LCK: variants seen among roughly 807,000 people sequenced by gnomAD.
LCK encodes the protein LCK proto-oncogene, Src family tyrosine kinase, also known as tyrosine-protein kinase Lck.
In LCK, 14 loss-of-function variants were observed where a neutral mutation model predicts 64.6. The observed-to-expected ratio is 0.22, with a 90% CI of 0.14 to 0.34. The LOEUF is 0.34. Among genes scored for constraint, LCK ranks in the 10% least tolerant of loss-of-function variants. The pLI is 1.00. For synonymous variants in LCK, 277 were observed against 263.6 expected (o/e 1.05, Z -0.49); for missense variants, 434 against 668.1 (o/e 0.65, Z 3.86).
In LCK at chr1:32,256,878, G is replaced by A. The variant is rs943200141; in HGVS notation, c.-6+5507G>A. 2.6e-5 allele frequency among the ~76,000 whole-genome samples: 4 copies of A among 152,286 alleles called. No homozygotes were observed. In the South Asian group the frequency reaches 8.3e-4, roughly 32 times the overall value. On this transcript the variant is annotated intron_variant, in intron 1 of 12. Coordinates refer to ENST00000336890, the MANE Select transcript of LCK (RefSeq NM_005356.5). ...TTATGTGTTTATTTTAGTGTGCGCT[G>A]TTGTTTCACTTCTATTTATGTCTCA...
chr1:32,276,865 C>T lies in LCK; in HGVS notation c.964+79C>T. On this transcript the variant is annotated intron_variant, in intron 9 of 12. Coordinates refer to ENST00000336890, the MANE Select transcript of LCK (RefSeq NM_005356.5). This position sits in a 1 kb window ranked among gnomAD's most constrained non-coding sequence, Gnocchi z 4.6. ...GCCAGAGGGTGGAAATACACCTTTTCTTCTGGCCCAAAGCTCAAGCAAGGA... is the reference window on the plus strand; with the variant it reads ...GCCAGAGGGTGGAAATACACCTTTTTTTCTGGCCCAAAGCTCAAGCAAGGA... The T allele has an allele frequency of 7.3e-7, 1 of 1,361,696 alleles. No individual in the cohort carries two copies. Among genetic ancestry groups the T allele is most frequent in the Non-Finnish European group, 9.8e-7 (1 of 1,022,556 alleles). 84.4% of individuals were successfully genotyped at this position (1,361,696 alleles called of 1,614,324 possible).
chr1:32,285,521 C>T lies in LCK; in HGVS notation c.1335C>T (p.Thr445=). The T allele has an allele frequency of 6.2e-7, 1 of 1,614,140 alleles. No individual in the cohort carries two copies. The highest frequency in any genetic ancestry group is 1.7e-5 in the Admixed American group (1 of 60,020). Residue 445 remains threonine, a synonymous_variant, in exon 13 of 13, where the codon ACC becomes ACT. Transcript: ENST00000336890. ...TCACCCATCAACCCGTAGGGATGAC[C>T]AACCCGGAGGTGATTCAGAACCTGG... ...THGRIPYPGM[T]NPEVIQNLER... is the part of the protein sequence containing the mutation.
chr1:32,255,796 A>ATTTTTT lies in LCK; in HGVS notation c.-6+4428_-6+4429insTTTTTT, dbSNP rs1363275909. Among the ~76,000 whole-genome samples the ATTTTTT allele has an allele frequency of 1.0e-3, 146 of 142,608 alleles. 6 individuals are homozygous for ATTTTTT. The highest frequency in any genetic ancestry group is 3.8e-3 in the African/African-American group (141 of 37,460). The allele number at this position is 142,608 out of a possible 152,430, so 93.6% of individuals were successfully genotyped here. The stretch of plus-strand genomic sequence containing the variant: ...CTGGCACATAGGAGGTACCCATTAA[A>ATTTTTT]TTTATTTTTTTTTTTTTTTTTTTTG... On this transcript the variant is annotated intron_variant, in intron 1 of 12. Transcript: ENST00000336890.
chr1:32,259,350 T>A (rs1639709310), intron 1 of LCK, among the ~76,000 whole-genome samples: 1 of 148,844 alleles, frequency 6.7e-6, no homozygotes, highest in South Asian at 2.1e-4. Context: ...GTGCGGTGGC[T>A]CATGCCACAC....
At chr1:32,254,038 C>T (rs1161675797) in intron 1 of LCK, among the ~76,000 whole-genome samples, 2 of 152,078 alleles carry the variant, frequency 1.3e-5, no homozygotes, top group African/African-American at 4.8e-5. Context: ...AAGTAATTCT[C>T]AGTGGGGTGG....
chr1:32,272,982 G>A (rs1194173395), intron 1 of LCK, among the ~76,000 whole-genome samples: 1 of 149,954 alleles, frequency 6.7e-6, no homozygotes, highest in Non-Finnish European at 1.5e-5. Context: ...GCGTGTGTGT[G>A]GGGGTGAATG....
intron 1 of LCK, among the ~76,000 whole-genome samples, chr1:32,266,549 G>A (rs1173472878): frequency 6.8e-6 from 1 of 148,124 alleles, no homozygotes; most frequent in Non-Finnish European, 1.5e-5. Flanking sequence ...GCCTCCAAAA[G>A]GGCTGAGATT....
At position 32,272,623 on chromosome 1, in the gene LCK, A is replaced by AAGAGAGAGAGAGAGAG. The variant is rs145594259; in HGVS notation, c.-5-1691_-5-1676dup. 2.4e-4 allele frequency among the ~76,000 whole-genome samples: 29 copies of AAGAGAGAGAGAGAGAG among 123,124 alleles called. 1 individual carries two copies. The South Asian group carries it at 3.6e-3, about 15-fold the overall frequency. The allele number at this position is 123,124 out of a possible 152,430, so 80.8% of individuals were successfully genotyped here. On this transcript the variant is annotated intron_variant, in intron 1 of 12. Transcript: ENST00000336890. ...AGAGAGAAAGAGAGAGAGAGAGAGA[A>AAGAGAGAGAGAGAGAG]AGAGAGAGAGAGAGAGAGAGAGAGA...
chr1:32,277,213 CAAAA>C (rs10645285), intron 9 of LCK: 10 of 84,040 alleles, frequency 1.2e-4, no homozygotes, highest in African/African-American at 2.8e-4. Context: ...AAGACTCTAT[CAAAA>C]AAAAAAAAAA....
chr1:32,283,288 C>CA (rs888361880), intron 12 of LCK, among the ~76,000 whole-genome samples: 5,137 of 51,598 alleles, frequency 0.1, 380 homozygotes, highest in African/African-American at 0.23. Context: ...GACTCTGTCT[C>CA]AAAAAAAAAA....
chr1:32,265,693 T>C (rs1450309791), intron 1 of LCK, among the ~76,000 whole-genome samples: 1 of 152,050 alleles, frequency 6.6e-6, no homozygotes, highest in Non-Finnish European at 1.5e-5. Flanking sequence ...TCCTTTTCCC[T>C]CCCCACCTGA....
chr1:32,285,754 T>G lies in LCK; in HGVS notation c.*38T>G. On this transcript the variant is annotated 3_prime_UTR_variant, in exon 13 of 13. Coordinates refer to ENST00000336890, the MANE Select transcript of LCK (RefSeq NM_005356.5). ...GGCCCTGGGGTTCTCCCCCTTTCTCTCCAGCCTGACTTGGGGAGATGGAGT... is the reference window on the plus strand; with the variant it reads ...GGCCCTGGGGTTCTCCCCCTTTCTCGCCAGCCTGACTTGGGGAGATGGAGT... 1 of 1,548,716 alleles carries G rather than the reference T, an allele frequency of 6.5e-7. No homozygotes were observed. Among genetic ancestry groups the G allele is most frequent in the Non-Finnish European group, 8.7e-7 (1 of 1,143,790 alleles).
intron 1 of LCK, among the ~76,000 whole-genome samples, chr1:32,265,759 T>G (rs1639891701): frequency 6.6e-6 from 1 of 152,164 alleles, no homozygotes; most frequent in Non-Finnish European, 1.5e-5. Flanking sequence ...CCTAGATTCC[T>G]TCTGCTTCTT....
At chr1:32,285,390 T>A in intron 12 of LCK, 124 bp from the exon 13 acceptor site, 1 of 850,406 alleles carries the variant, frequency 1.2e-6, no homozygotes, top group Non-Finnish European at 2.0e-6. Flanking sequence ...ACCTTACCAT[T>A]GATGAAGACC....
In LCK at chr1:32,276,019, G is replaced by C; in HGVS notation, c.587G>C (p.Arg196Pro). ...AACGGTGGCTTCTACATCTCCCCTC[G>C]AATCACTTTTCCCGGCCTGCATGAA... ...LDNGGFYISP[R>P]ITFPGLHELV... Residue 196 changes from arginine to proline, a missense_variant, in exon 7 of 13, where the codon CGA (arginine) becomes CCA (proline). Physicochemically the swap from Arg to Pro is moderately radical, Grantham distance 103 (BLOSUM62 -2). This residue lies in a region of LCK where 233 missense variants were observed against 291.2 expected (regional missense o/e 0.80). Coordinates refer to ENST00000336890, the MANE Select transcript of LCK (RefSeq NM_005356.5). This position sits in a 1 kb window ranked among gnomAD's most constrained non-coding sequence, Gnocchi z 4.6. 1 of 1,613,996 alleles carries C rather than the reference G, an allele frequency of 6.2e-7. No homozygotes were observed. The highest frequency in any genetic ancestry group is 8.5e-7 in the Non-Finnish European group (1 of 1,179,974).
intron 1 of LCK, among the ~76,000 whole-genome samples, chr1:32,256,970 G>T (rs1285435875): frequency 6.6e-6 from 1 of 152,164 alleles, no homozygotes; most frequent in African/African-American, 2.4e-5. Context: ...ACGTGAAAAG[G>T]TAGCCCGTGG....
chr1:32,253,540 C>A (rs561310049), intron 1 of LCK, among the ~76,000 whole-genome samples: 2 of 152,290 alleles, frequency 1.3e-5, no homozygotes, highest in East Asian at 1.9e-4. Flanking sequence ...CCTCGGCCCC[C>A]CAAAGTGCTG....
At chr1:32,273,347 T>C (rs575492571) in intron 1 of LCK, among the ~76,000 whole-genome samples, 3 of 148,770 alleles carry the variant, frequency 2.0e-5, no homozygotes, top group African/African-American at 7.4e-5. Context: ...GGGGTGCCTC[T>C]GTGTGTGTGT....
At chr1:32,261,944 C>A (rs925829916) in intron 1 of LCK, among the ~76,000 whole-genome samples, 7 of 121,000 alleles carry the variant, frequency 5.8e-5, no homozygotes, top group Non-Finnish European at 8.2e-5. Flanking sequence ...CAGAACTAGA[C>A]TCTGTCAGAA....
Sources: allele counts gnomAD v4.1 joint callset (sites outside exome capture counted in the v4.1 genomes callset), GRCh38; gene constraint gnomAD v4.1.1; regional missense constraint gnomAD v4.1.1; non-coding constraint Gnocchi (gnomAD v3.1); transcripts MANE v1.5; gene names NCBI Gene and HGNC (gene_info 2026-07-23, HGNC 2026-07-21).